The following SGCZ variants were observed in gnomAD, a reference collection of about 807,000 sequenced individuals.
SGCZ encodes the protein sarcoglycan zeta.
Under a neutral mutation model 41.3 loss-of-function variants are expected in SGCZ, and 40 were observed. The observed-to-expected ratio is 0.97, with a 90% CI of 0.75 to 1.26. The LOEUF is 1.26. Ranked by LOEUF, SGCZ falls within the 50% of genes most tolerant of loss-of-function variation. The pLI, the probability that SGCZ is intolerant of heterozygous loss-of-function variation, is 0.00. For synonymous variants in SGCZ, 206 were observed against 137.5 expected (o/e 1.50, Z -3.49); for missense variants, 552 against 369.8 (o/e 1.49, Z -4.04).
chr8:14,115,481 G>T (rs922446649), intron 5 of SGCZ, among the ~76,000 whole-genome samples: 2 of 151,912 alleles, frequency 1.3e-5, no homozygotes, highest in East Asian at 1.9e-4. Context: ...AAACTGAGAA[G>T]ATTAAGATTC....
chr8:14,910,536 G>A (rs1056827233), intron 1 of SGCZ, among the ~76,000 whole-genome samples: 2 of 151,238 alleles, frequency 1.3e-5, no homozygotes, highest in Non-Finnish European at 3.0e-5. Context: ...CAAAATTCTG[G>A]CTGGTATTGA....
chr8:14,909,278 A>C (rs927119443), intron 1 of SGCZ, among the ~76,000 whole-genome samples: 1 of 152,148 alleles, frequency 6.6e-6, no homozygotes, highest in African/African-American at 2.4e-5. Context: ...CTATCGAAAA[A>C]TCCTCTAAAT....
At chr8:15,015,428 G>C (rs1024657096) in intron 1 of SGCZ, among the ~76,000 whole-genome samples, 3 of 151,660 alleles carry the variant, frequency 2.0e-5, no homozygotes, top group Non-Finnish European at 2.9e-5. Context: ...GGCTGGGCAC[G>C]GTGGCTCACA....
intron 2 of SGCZ, among the ~76,000 whole-genome samples, chr8:14,371,644 C>A (rs11990924): frequency 6.6e-6 from 1 of 151,802 alleles, no homozygotes. Context: ...GACCCTGGCC[C>A]TATTAATTAA....
intron 1 of SGCZ, among the ~76,000 whole-genome samples, chr8:14,669,459 T>C (rs1808030984): frequency 6.6e-6 from 1 of 152,068 alleles, no homozygotes; most frequent in Non-Finnish European, 1.5e-5. Context: ...TTGTATCCTT[T>C]GACCAGTATC....
intron 1 of SGCZ, among the ~76,000 whole-genome samples, chr8:14,769,519 C>T (rs1279697146): frequency 1.3e-5 from 2 of 152,032 alleles, no homozygotes; most frequent in African/African-American, 2.4e-5. Context: ...CAGCCAGGCG[C>T]GATGGCTCAC....
chr8:14,405,422 A>G (rs1799186743), intron 2 of SGCZ, among the ~76,000 whole-genome samples: 1 of 152,186 alleles, frequency 6.6e-6, no homozygotes, highest in South Asian at 2.1e-4. Flanking sequence ...ATGACATCAG[A>G]TTATTTTTTT....
chr8:14,632,226 T>C (rs1461973094), intron 1 of SGCZ, among the ~76,000 whole-genome samples: 2 of 151,988 alleles, frequency 1.3e-5, no homozygotes, highest in Admixed American at 6.6e-5. Flanking sequence ...TCTCCCTATG[T>C]TGCCCACGCT....
In SGCZ at chr8:14,966,364, C is replaced by A. The variant is rs181732989; in HGVS notation, c.39+271221G>T. 7.0e-4 allele frequency among the ~76,000 whole-genome samples: 105 copies of A among 150,502 alleles called. 2 individuals are homozygous for A. In the East Asian group the frequency reaches 0.014, roughly 20 times the overall value. On this transcript the variant is annotated intron_variant, in intron 1 of 7. Coordinates refer to ENST00000382080, the MANE Select transcript of SGCZ (RefSeq NM_139167.4). ...GTATATTATTATTTTATTTTATAAC[C>A]AAGAAAAAATTTATTCATATTGTCC...
At chr8:15,140,949 A>C (rs1808298647) in intron 1 of SGCZ, among the ~76,000 whole-genome samples, 1 of 152,318 alleles carries the variant, frequency 6.6e-6, no homozygotes, top group East Asian at 1.9e-4. Context: ...TTTAATGAGG[A>C]ACTATTATAT....
At chr8:14,517,071 C>T (rs1468631034) in intron 2 of SGCZ, among the ~76,000 whole-genome samples, 1 of 151,938 alleles carries the variant, frequency 6.6e-6, no homozygotes, top group African/African-American at 2.4e-5. Context: ...AATAAGTCTT[C>T]GTAATGCGTG....
At chr8:15,201,945 CT>C (rs1044321513) in intron 1 of SGCZ, among the ~76,000 whole-genome samples, 1 of 152,108 alleles carries the variant, frequency 6.6e-6, no homozygotes, top group African/African-American at 2.4e-5. Context: ...TACTGTGTTT[CT>C]AAAGGGTTTA....
intron 1 of SGCZ, among the ~76,000 whole-genome samples, chr8:15,186,441 C>G (rs1457498380): frequency 6.6e-6 from 1 of 152,008 alleles, no homozygotes; most frequent in Admixed American, 6.6e-5. Flanking sequence ...AATGTAAAAA[C>G]TGTAATCAGT....
At chr8:14,596,270 AG>A (rs1347484785) in intron 1 of SGCZ, among the ~76,000 whole-genome samples, 2 of 152,250 alleles carry the variant, frequency 1.3e-5, no homozygotes, top group Non-Finnish European at 2.9e-5. Flanking sequence ...CAAAACTAGA[AG>A]GTTGTGCACT....
At chr8:14,542,807 A>C (rs1803510598) in intron 2 of SGCZ, among the ~76,000 whole-genome samples, 2 of 152,094 alleles carry the variant, frequency 1.3e-5, no homozygotes, top group African/African-American at 4.8e-5. Flanking sequence ...TTTTAAAAAA[A>C]AATCTGAAAC....
At chr8:14,472,604 T>C (rs1162981534) in intron 2 of SGCZ, among the ~76,000 whole-genome samples, 1 of 152,138 alleles carries the variant, frequency 6.6e-6, no homozygotes. Context: ...TGTTTAAGCG[T>C]GCAGTGGTAA....
At chr8:14,413,969 G>C (rs1438921649) in intron 2 of SGCZ, among the ~76,000 whole-genome samples, 1 of 151,804 alleles carries the variant, frequency 6.6e-6, no homozygotes, top group Non-Finnish European at 1.5e-5. Flanking sequence ...TTCTCCTATT[G>C]TTCTTTAGAT....
At chr8:14,421,293 G>C (rs747644835) in intron 2 of SGCZ, among the ~76,000 whole-genome samples, 4 of 151,906 alleles carry the variant, frequency 2.6e-5, no homozygotes, top group African/African-American at 7.3e-5. Context: ...TCTTCCTTTA[G>C]TCTTCCTTCT....
Position 14,247,092 on chromosome 8 carries a change from T to C in SGCZ, c.337-9413A>G, listed in dbSNP as rs77567251. ...CTGCACTCACATTTTAACTTGAATGTGAAGTAATGCAGAAGAGAGATATTA... is the reference window on the plus strand; with the variant it reads ...CTGCACTCACATTTTAACTTGAATGCGAAGTAATGCAGAAGAGAGATATTA... On this transcript the variant is annotated intron_variant, in intron 3 of 7. Coordinates refer to ENST00000382080, the MANE Select transcript of SGCZ (RefSeq NM_139167.4). Among the ~76,000 whole-genome samples, 1,295 of 152,276 alleles carry C rather than the reference T, an allele frequency of 8.5e-3. 25 individuals are homozygous for C. Among genetic ancestry groups the C allele is most frequent in the African/African-American group, 0.029 (1,221 of 41,558 alleles).
Sources: gnomAD v4.1 joint callset for allele counts (sites outside exome capture counted in the v4.1 genomes callset) on GRCh38, gnomAD v4.1.1 for gene constraint, MANE v1.5 for transcripts, NCBI Gene and HGNC (gene_info 2026-07-23, HGNC 2026-07-21) for gene names.